ATP2B2: variants seen among roughly 807,000 people sequenced by gnomAD.
The protein encoded by ATP2B2 is ATPase plasma membrane Ca2+ transporting 2.
Under a neutral mutation model 120.0 loss-of-function variants are expected in ATP2B2, and 15 were observed. The ratio of observed to expected loss-of-function variants is 0.12; its 90% CI spans 0.08 to 0.19. The LOEUF is 0.19. Ranked by LOEUF, ATP2B2 falls within the 10% of genes least tolerant of loss-of-function variation. ATP2B2 has a pLI of 1.00. For missense variants in ATP2B2, 1,045 were observed against 1,719.8 expected (o/e 0.61, Z 6.94); for synonymous variants, 694 against 700.3 (o/e 0.99, Z 0.14).
chr3:10,560,811 T>C (rs1299373095), intron 2 of ATP2B2, among the ~76,000 whole-genome samples: 2 of 152,130 alleles, frequency 1.3e-5, no homozygotes, highest in Non-Finnish European at 2.9e-5. Flanking sequence ...CTCCTGCAGT[T>C]AGATGAAATC....
chr3:10,458,774 T>G (rs2064366187), intron 1 of ATP2B2, among the ~76,000 whole-genome samples: 1 of 152,218 alleles, frequency 6.6e-6, no homozygotes, highest in Non-Finnish European at 1.5e-5. Flanking sequence ...GCAAGGAAGC[T>G]GGGGCTCAGA....
chr3:10,607,471 C>T (rs939517670), intron 2 of ATP2B2, among the ~76,000 whole-genome samples: 1 of 152,194 alleles, frequency 6.6e-6, no homozygotes, highest in African/African-American at 2.4e-5. Context: ...CAGTGGTGAG[C>T]CAAGGCAGTG....
At chr3:10,536,013 T>A (rs1378735507) in intron 2 of ATP2B2, among the ~76,000 whole-genome samples, 3 of 152,200 alleles carry the variant, frequency 2.0e-5, no homozygotes, top group Admixed American at 2.0e-4. Context: ...GGATCCAATT[T>A]CTCTGCATCT....
intron 5 of ATP2B2, among the ~76,000 whole-genome samples, chr3:10,399,165 A>G (rs1350300686): frequency 6.6e-6 from 1 of 152,184 alleles, no homozygotes; most frequent in Non-Finnish European, 1.5e-5. Context: ...TCCAGAGGAC[A>G]TACCTGGCCA....
chr3:10,423,387 G>C (rs1193494670), intron 2 of ATP2B2, among the ~76,000 whole-genome samples: 1 of 152,148 alleles, frequency 6.6e-6, no homozygotes, highest in African/African-American at 2.4e-5. Flanking sequence ...AGCTCCCTGG[G>C]GCTGGACCCT....
In ATP2B2 at chr3:10,464,152, C is replaced by T. The variant is rs181822810; in HGVS notation, c.-319-14290G>A. On this transcript the variant is annotated intron_variant, in intron 1 of 22. Coordinates refer to ENST00000360273, the MANE Select transcript of ATP2B2 (RefSeq NM_001001331.4). ...TTGGCATGTCTGTCCCTGGCCACTG[C>T]GGAGACGAACAGAATCCACCCGGCA... 7.2e-5 allele frequency among the ~76,000 whole-genome samples: 11 copies of T among 152,310 alleles called. No individual in the cohort carries two copies. In the East Asian group the frequency reaches 1.5e-3, roughly 21 times the overall value.
At position 10,485,932 on chromosome 3, in the gene ATP2B2, C is replaced by T. The variant is rs185592168; in HGVS notation, c.-320+19533G>A. 6.9e-3 allele frequency among the ~76,000 whole-genome samples: 1,052 copies of T among 152,210 alleles called. 12 individuals are homozygous for T. The highest frequency in any genetic ancestry group is 0.023 in the African/African-American group (964 of 41,526). ...GCACCCACCCCACAATGGCCCTGAG[C>T]GGATGTGGGGGCCAGGGCATCATGA... On this transcript the variant is annotated intron_variant, in intron 1 of 22. Coordinates refer to ENST00000360273, the MANE Select transcript of ATP2B2 (RefSeq NM_001001331.4).
chr3:10,503,525 G>A (rs1250018145), intron 1 of ATP2B2, among the ~76,000 whole-genome samples: 2 of 152,364 alleles, frequency 1.3e-5, no homozygotes, highest in African/African-American at 4.8e-5. Context: ...GTCCTCATCG[G>A]AAGTCCCTTA....
intron 1 of ATP2B2, among the ~76,000 whole-genome samples, chr3:10,463,340 T>C (rs540976782): frequency 3.9e-5 from 6 of 152,088 alleles, no homozygotes; most frequent in South Asian, 4.2e-4. Flanking sequence ...AGTTGGACTA[T>C]GGAATGACAT....
chr3:10,381,547 A>G (rs1281824538), intron 8 of ATP2B2, among the ~76,000 whole-genome samples: 1 of 152,222 alleles, frequency 6.6e-6, no homozygotes, highest in Non-Finnish European at 1.5e-5. Context: ...TGCTGGAGGA[A>G]GGGAAGGATG....
In ATP2B2 at chr3:10,643,243, A is replaced by G. The variant is rs1373858378; in HGVS notation, c.-459-23282T>C. On this transcript the variant is annotated intron_variant, in intron 1 of 21. Transcript: ENST00000646379. Reference sequence around the variant, plus strand: ...CAAAACCCTGAATTCATGAGTTCACATAGAAGAGTGGATGCATCTGTGGAT... The same window carrying G: ...CAAAACCCTGAATTCATGAGTTCACGTAGAAGAGTGGATGCATCTGTGGAT... Among the ~76,000 whole-genome samples the G allele has an allele frequency of 2.6e-5, 4 of 152,204 alleles. No individual in the cohort carries two copies. In the South Asian group the frequency reaches 6.2e-4, roughly 24 times the overall value.
chr3:10,353,061 C>T (rs181123966), intron 14 of ATP2B2, among the ~76,000 whole-genome samples: 4 of 152,332 alleles, frequency 2.6e-5, no homozygotes, highest in African/African-American at 7.2e-5. Flanking sequence ...ATGCCCACTG[C>T]TCCACTGTGG....
chr3:10,678,220 A>C (rs186067212), intron 1 of ATP2B2, among the ~76,000 whole-genome samples: 332 of 152,346 alleles, frequency 2.2e-3, no homozygotes, highest in African/African-American at 7.7e-3. Context: ...TATTGCTTTT[A>C]TAATAAGGAA....
intron 2 of ATP2B2, among the ~76,000 whole-genome samples, chr3:10,576,857 A>G (rs933047158): frequency 6.6e-6 from 1 of 152,048 alleles, no homozygotes; most frequent in South Asian, 2.1e-4. Context: ...AAGGTCAGGA[A>G]TTCGAGACCA....
intron 2 of ATP2B2, among the ~76,000 whole-genome samples, chr3:10,560,395 T>A (rs2125528376): frequency 6.6e-6 from 1 of 152,264 alleles, no homozygotes; most frequent in South Asian, 2.1e-4. Flanking sequence ...AGGCTCTCAC[T>A]CTGATGTAAT....
At chr3:10,617,938 T>A (rs1384703621) in intron 2 of ATP2B2, among the ~76,000 whole-genome samples, 1 of 152,026 alleles carries the variant, frequency 6.6e-6, no homozygotes, top group Non-Finnish European at 1.5e-5. Context: ...CTTATCGCTG[T>A]GTTGACCCCA....
chr3:10,469,052 T>G (rs1412957016), intron 1 of ATP2B2, among the ~76,000 whole-genome samples: 7 of 152,256 alleles, frequency 4.6e-5, no homozygotes, highest in Non-Finnish European at 1.5e-5. Flanking sequence ...TTTCCACTCA[T>G]CTCGCAAACT....
intron 1 of ATP2B2, among the ~76,000 whole-genome samples, chr3:10,666,827 T>C (rs925112927): frequency 3.3e-5 from 5 of 152,180 alleles, no homozygotes; most frequent in Non-Finnish European, 7.4e-5. Flanking sequence ...CTGCAGAGCC[T>C]GGGTAGTGAC....
chr3:10,345,637 C>T, intron 17 of ATP2B2, 62 bp from the exon 18 acceptor site: 1 of 1,481,382 alleles, frequency 6.8e-7, no homozygotes, highest in East Asian at 2.3e-5. Context: ...CTTCTAGCAT[C>T]ACCATCCTCA....
Sources: gnomAD v4.1 joint callset for allele counts (sites outside exome capture counted in the v4.1 genomes callset) on GRCh38, gnomAD v4.1.1 for gene constraint, MANE v1.5 for transcripts, NCBI Gene and HGNC (gene_info 2026-07-23, HGNC 2026-07-21) for gene names.